Variants in CNTNAP4 observed in about 807,000 individuals in gnomAD.
CNTNAP4 encodes contactin associated protein family member 4, also known as contactin-associated protein-like 4.
CNTNAP4 carries 98 observed loss-of-function variants against 148.4 expected under a neutral mutation model. The ratio of observed to expected loss-of-function variants is 0.66; its 90% CI spans 0.56 to 0.78. CNTNAP4 has a LOEUF of 0.78. Among genes scored for constraint, CNTNAP4 ranks in the 30% least tolerant of loss-of-function variants. The probability of loss-of-function intolerance (pLI) is 0.00; values close to 1 mark genes in which losing one functional copy is unlikely to be tolerated. For synonymous variants in CNTNAP4, 730 were observed against 565.1 expected (o/e 1.29, Z -4.14); for missense variants, 1,935 against 1,565.6 (o/e 1.24, Z -3.98).
chr16:76,393,721 G>A (rs1464449177), intron 3 of CNTNAP4, among the ~76,000 whole-genome samples: 1 of 152,086 alleles, frequency 6.6e-6, no homozygotes, highest in Non-Finnish European at 1.5e-5. Flanking sequence ...CCATTGTGGG[G>A]CAGAGGGTAT....
At chr16:76,463,915 T>C (rs974105157) in intron 9 of CNTNAP4, among the ~76,000 whole-genome samples, 1 of 152,202 alleles carries the variant, frequency 6.6e-6, no homozygotes, top group African/African-American at 2.4e-5. Flanking sequence ...TTAAAAAAAA[T>C]TACGAATCTC....
At chr16:76,355,981 T>G (rs2012575168) in intron 3 of CNTNAP4, among the ~76,000 whole-genome samples, 1 of 151,956 alleles carries the variant, frequency 6.6e-6, no homozygotes, top group African/African-American at 2.4e-5. Flanking sequence ...TTCAAGCGAT[T>G]CTCCTACTTC....
At chr16:76,481,340 T>C (rs1266121549) in intron 12 of CNTNAP4, among the ~76,000 whole-genome samples, 1 of 152,204 alleles carries the variant, frequency 6.6e-6, no homozygotes, top group Non-Finnish European at 1.5e-5. Flanking sequence ...ACAAAATGAC[T>C]GCATTTTAAA....
At chr16:76,347,078 C>CAT (rs1964964109) in intron 2 of CNTNAP4, among the ~76,000 whole-genome samples, 2 of 152,014 alleles carry the variant, frequency 1.3e-5, no homozygotes, top group South Asian at 4.2e-4. Flanking sequence ...CAAAGCAATA[C>CAT]ATACATCTTT....
At chr16:76,412,974 CCTT>C (rs1305243726) in intron 3 of CNTNAP4, among the ~76,000 whole-genome samples, 2 of 151,296 alleles carry the variant, frequency 1.3e-5, no homozygotes, top group East Asian at 1.9e-4. Context: ...AGTGATCAAT[CCTT>C]CTTTAAAAAT....
In CNTNAP4 at chr16:76,559,959, G is replaced by A. The variant is rs1240355707; in HGVS notation, c.*1276G>A. Among the ~76,000 whole-genome samples the A allele has an allele frequency of 6.6e-6, 1 of 152,100 alleles. No homozygotes were observed. Among genetic ancestry groups the A allele is most frequent in the Non-Finnish European group, 1.5e-5 (1 of 68,008 alleles). On this transcript the variant is annotated 3_prime_UTR_variant, in exon 24 of 24. Transcript: ENST00000611870. ...AGACACTTCTCGTCTGAAACGATGG[G>A]GTGAATTTCTCAAAAATTACCAAGA...
At chr16:76,440,859 C>G (rs1247831171) in intron 4 of CNTNAP4, among the ~76,000 whole-genome samples, 1 of 152,022 alleles carries the variant, frequency 6.6e-6, no homozygotes, top group African/African-American at 2.4e-5. Flanking sequence ...GAGGACATTG[C>G]TTTTTCAAGT....
intron 3 of CNTNAP4, among the ~76,000 whole-genome samples, chr16:76,413,373 A>T (rs966319972): frequency 1.3e-5 from 2 of 151,292 alleles, no homozygotes; most frequent in East Asian, 3.9e-4. Context: ...TCCAATTTAT[A>T]CAGCACCATG....
intron 21 of CNTNAP4, among the ~76,000 whole-genome samples, 197 bp from the exon 22 acceptor site, chr16:76,553,086 T>C (rs2085028833): frequency 6.6e-6 from 1 of 152,220 alleles, no homozygotes; most frequent in South Asian, 2.1e-4. Flanking sequence ...GCTTAAAAAC[T>C]TGACTTCATT....
At chr16:76,329,431 A>G (rs183260583) in intron 2 of CNTNAP4, among the ~76,000 whole-genome samples, 3 of 152,318 alleles carry the variant, frequency 2.0e-5, no homozygotes, top group Admixed American at 2.0e-4. Context: ...TTATAGTTTT[A>G]TAATTTAAAA....
chr16:76,385,577 TAGAG>T (rs1050273124), intron 3 of CNTNAP4, among the ~76,000 whole-genome samples: 2 of 147,044 alleles, frequency 1.4e-5, no homozygotes, highest in South Asian at 2.2e-4. Context: ...TGTGTGTGTG[TAGAG>T]AGAGTGAGTT....
chr16:76,492,920 C>G (rs2082274702), intron 13 of CNTNAP4, among the ~76,000 whole-genome samples: 1 of 150,746 alleles, frequency 6.6e-6, no homozygotes, highest in Admixed American at 6.7e-5. Flanking sequence ...GAAGGAATCC[C>G]CACCTTTAAG....
At chr16:76,513,495 A>G (rs1386062571) in intron 15 of CNTNAP4, among the ~76,000 whole-genome samples, 1 of 152,164 alleles carries the variant, frequency 6.6e-6, no homozygotes, top group African/African-American at 2.4e-5. Context: ...AGGATTTGTA[A>G]CTAAGTTCTG....
intron 21 of CNTNAP4, among the ~76,000 whole-genome samples, chr16:76,548,920 C>G (rs1489737209): frequency 6.6e-6 from 1 of 152,190 alleles, no homozygotes; most frequent in African/African-American, 2.4e-5. Context: ...GCCAGCTTTG[C>G]TTATGAGCAA....
chr16:76,341,248 T>G (rs1384595238), intron 2 of CNTNAP4, among the ~76,000 whole-genome samples: 2 of 152,212 alleles, frequency 1.3e-5, no homozygotes, highest in Admixed American at 1.3e-4. Context: ...ATCTTAAACC[T>G]GTCCTTCCAC....
At chr16:76,517,551 G>T (rs1237175020) in intron 15 of CNTNAP4, among the ~76,000 whole-genome samples, 4 of 152,046 alleles carry the variant, frequency 2.6e-5, no homozygotes, top group African/African-American at 9.7e-5. Context: ...ATTTTATTTT[G>T]CTTTTAAGAA....
chr16:76,469,743 T>A (rs999781420), intron 10 of CNTNAP4: 3 of 152,206 alleles, frequency 2.0e-5, no homozygotes, highest in Non-Finnish European at 4.4e-5. Context: ...TCAGAAATAG[T>A]TAGCAAATTA....
intron 8 of CNTNAP4, among the ~76,000 whole-genome samples, chr16:76,453,204 A>G (rs991875048): frequency 1.8e-4 from 27 of 152,182 alleles, no homozygotes; most frequent in South Asian, 8.3e-4. Flanking sequence ...ATCTATATCT[A>G]TATCTCTGTA....
chr16:76,531,294 A>G (rs1024647661), intron 17 of CNTNAP4, among the ~76,000 whole-genome samples: 7 of 152,196 alleles, frequency 4.6e-5, no homozygotes, highest in Admixed American at 6.5e-5. Context: ...GGAAAGAACC[A>G]GCTTCTACTC....
Sources: allele counts gnomAD v4.1 joint callset (sites outside exome capture counted in the v4.1 genomes callset), GRCh38; gene constraint gnomAD v4.1.1; transcripts MANE v1.5; gene names NCBI Gene and HGNC (gene_info 2026-07-23, HGNC 2026-07-21).